SNTB2: variants seen among roughly 807,000 people sequenced by gnomAD.
SNTB2 encodes the protein syntrophin beta 2.
A neutral mutation model predicts 46.2 loss-of-function variants in SNTB2; 34 were observed. The observed-to-expected ratio is 0.74, with a 90% CI of 0.56 to 0.98. The LOEUF (loss-of-function observed/expected upper bound fraction) is 0.98. Ranked by LOEUF, SNTB2 falls within the 50% of genes least tolerant of loss-of-function variation. The pLI, the probability that SNTB2 is intolerant of heterozygous loss-of-function variation, is 0.00. For synonymous variants in SNTB2, 290 were observed against 312.6 expected (o/e 0.93, Z 0.76); for missense variants, 603 against 731.4 (o/e 0.82, Z 2.02).
At position 69,301,450 on chromosome 16, in the gene SNTB2, G is replaced by C. The variant is rs943139223; in HGVS notation, c.*526G>C. On this transcript the variant is annotated 3_prime_UTR_variant, in exon 7 of 7. Transcript: ENST00000336278. Reference sequence around the variant, plus strand: ...TCCTCACTAGCTCCTTCCACCATAGGAAGTCCTTGAATTGTATCACCAAAG... The same window carrying C: ...TCCTCACTAGCTCCTTCCACCATAGCAAGTCCTTGAATTGTATCACCAAAG... 1 of 154,970 alleles carries C rather than the reference G, an allele frequency of 6.5e-6. No individual in the cohort carries two copies. The highest frequency in any genetic ancestry group is 1.4e-5 in the Non-Finnish European group (1 of 69,732). The allele number at this position is 154,970 out of a possible 1,614,324, so 9.6% of individuals were successfully genotyped here. A position where few individuals can be genotyped will look rare whatever the true frequency, so the allele number is the denominator to read the frequency against.
intron 4 of SNTB2, 40 bp from the exon 5 acceptor site, chr16:69,284,008 A>C: frequency 6.6e-7 from 1 of 1,521,358 alleles, no homozygotes; most frequent in Non-Finnish European, 8.9e-7. Flanking sequence ...TTGTCTGATA[A>C]TGTAGTTACT....
chr16:69,263,543 T>A (rs1316711166), intron 3 of SNTB2, among the ~76,000 whole-genome samples: 1 of 151,882 alleles, frequency 6.6e-6, no homozygotes, highest in Non-Finnish European at 1.5e-5. Flanking sequence ...CTCAGCCTCT[T>A]AAGTAGCTGG....
Position 69,279,651 on chromosome 16 carries a change from G to A in SNTB2, c.1149-4397G>A, listed in dbSNP as rs1965019475. ...CGCCATTCTCTTGCCTCAGCCTCCC[G>A]AGCAGCTGGGACTACAGGCTCCTGC... On this transcript the variant is annotated intron_variant, in intron 4 of 6. Transcript: ENST00000336278. Among the ~76,000 whole-genome samples the A allele has an allele frequency of 2.7e-5, 4 of 146,182 alleles. No homozygotes were observed. In the Admixed American group the frequency reaches 2.8e-4, roughly 10 times the overall value.
chr16:69,253,802 C>G (rs1373246165), intron 2 of SNTB2, among the ~76,000 whole-genome samples: 1 of 152,110 alleles, frequency 6.6e-6, no homozygotes, highest in Non-Finnish European at 1.5e-5. Context: ...TCCATTCTCC[C>G]AGTTATTAAT....
chr16:69,270,696 C>T (rs2143120230), intron 4 of SNTB2, among the ~76,000 whole-genome samples: 1 of 152,234 alleles, frequency 6.6e-6, no homozygotes. Flanking sequence ...CTTAACTCAG[C>T]CAAAATATTC....
At chr16:69,242,321 G>T (rs1472987230) in intron 1 of SNTB2, among the ~76,000 whole-genome samples, 1 of 152,098 alleles carries the variant, frequency 6.6e-6, no homozygotes, top group Admixed American at 6.5e-5. Flanking sequence ...AGCTACTCAG[G>T]AGGCTGAGGC....
intron 1 of SNTB2, among the ~76,000 whole-genome samples, chr16:69,238,333 A>G (rs567589211): frequency 2.6e-5 from 4 of 151,800 alleles, no homozygotes; most frequent in Non-Finnish European, 4.4e-5. Flanking sequence ...TCTCTTTCCT[A>G]TTTCCTTCAG....
intron 5 of SNTB2, among the ~76,000 whole-genome samples, chr16:69,285,586 A>T (rs1233562494): frequency 6.8e-6 from 1 of 147,794 alleles, no homozygotes; most frequent in Admixed American, 6.8e-5. Context: ...TGTTTAAGTG[A>T]TCCTCCCTCA....
intron 2 of SNTB2, among the ~76,000 whole-genome samples, chr16:69,256,282 A>G (rs1312802609): frequency 6.6e-6 from 1 of 152,122 alleles, no homozygotes; most frequent in African/African-American, 2.4e-5. Flanking sequence ...AGCCTCCCCA[A>G]AGTGTTGGGA....
intron 1 of SNTB2, among the ~76,000 whole-genome samples, chr16:69,201,131 C>G (rs1019602558): frequency 6.6e-6 from 1 of 152,182 alleles, no homozygotes; most frequent in Non-Finnish European, 1.5e-5. Context: ...AAAACAGCAT[C>G]CTGGCTTAAA....
At chr16:69,203,634 T>C (rs1485831284) in intron 1 of SNTB2, among the ~76,000 whole-genome samples, 1 of 152,104 alleles carries the variant, frequency 6.6e-6, no homozygotes, top group Admixed American at 6.5e-5. Flanking sequence ...CCACTGTGTG[T>C]GGTTCTGGAA....
chr16:69,292,390 T>TATTATA (rs1491243599), intron 5 of SNTB2, among the ~76,000 whole-genome samples: 1 of 12,750 alleles, frequency 7.8e-5, no homozygotes, highest in African/African-American at 5.4e-4. Flanking sequence ...TATATATATA[T>TATTATA]TATATATATA....
chr16:69,291,071 C>G (rs1037454480), intron 5 of SNTB2, among the ~76,000 whole-genome samples: 8 of 152,168 alleles, frequency 5.3e-5, no homozygotes, highest in African/African-American at 1.9e-4. Context: ...TAAGAGAACA[C>G]AGTGTCATGT....
chr16:69,258,382 TA>T (rs1964798872), intron 2 of SNTB2, among the ~76,000 whole-genome samples: 1 of 152,174 alleles, frequency 6.6e-6, no homozygotes, highest in South Asian at 2.1e-4. Flanking sequence ...GATTGCTTTA[TA>T]AATAATTTTT....
At chr16:69,292,396 AT>A (rs1242920208) in intron 5 of SNTB2, among the ~76,000 whole-genome samples, 1 of 30,940 alleles carries the variant, frequency 3.2e-5, no homozygotes, top group African/African-American at 3.4e-4. Context: ...TATATTATAT[AT>A]ATATATATAT....
At chr16:69,192,528 C>T (rs1597166826) in intron 1 of SNTB2, among the ~76,000 whole-genome samples, 1 of 152,270 alleles carries the variant, frequency 6.6e-6, no homozygotes, top group South Asian at 2.1e-4. Context: ...AGTTTATAAA[C>T]AGTATACTGT....
intron 5 of SNTB2, among the ~76,000 whole-genome samples, 196 bp downstream of exon 5, chr16:69,284,440 G>A (rs1464665881): frequency 8.2e-6 from 1 of 121,578 alleles, no homozygotes; most frequent in African/African-American, 3.3e-5. Context: ...TGGGCAACAT[G>A]GTGAAACCCC....
chr16:69,210,108 C>CT (rs1964266186), intron 1 of SNTB2, among the ~76,000 whole-genome samples: 1 of 150,084 alleles, frequency 6.7e-6, no homozygotes, highest in African/African-American at 2.5e-5. Flanking sequence ...TCACCACCAT[C>CT]CGCCTCCTGG....
chr16:69,300,965 A>G lies in SNTB2; in HGVS notation c.*41A>G. ...AAAAGAGCCTTGACTGTCACAAGAA[A>G]TATTTCCACCTCAAAAAAAAAAAAG... On this transcript the variant is annotated 3_prime_UTR_variant, in exon 7 of 7. Coordinates refer to ENST00000336278, the MANE Select transcript of SNTB2 (RefSeq NM_006750.4). 1 of 1,263,186 alleles carries G rather than the reference A, an allele frequency of 7.9e-7. No homozygotes were observed. Among genetic ancestry groups the G allele is most frequent in the Non-Finnish European group, 1.1e-6 (1 of 874,312 alleles). The allele number at this position is 1,263,186 out of a possible 1,614,324, so 78.2% of individuals were successfully genotyped here. A position where few individuals can be genotyped will look rare whatever the true frequency, so the allele number is the denominator to read the frequency against.
Sources: allele counts gnomAD v4.1 joint callset (sites outside exome capture counted in the v4.1 genomes callset), GRCh38; gene constraint gnomAD v4.1.1; transcripts MANE v1.5; gene names NCBI Gene and HGNC (gene_info 2026-07-23, HGNC 2026-07-21).